Variants in KAZN observed in about 807,000 individuals in gnomAD.
The protein encoded by KAZN is kazrin.
In KAZN, 40 loss-of-function variants were observed where a neutral mutation model predicts 87.4. The observed-to-expected ratio is 0.46, with a 90% CI of 0.36 to 0.60. The LOEUF (loss-of-function observed/expected upper bound fraction) is 0.60, where lower values mean the gene tolerates loss of function less well. Ranked by LOEUF, KAZN falls within the 20% of genes least tolerant of loss-of-function variation. The probability of loss-of-function intolerance (pLI) is 0.00; values close to 1 mark genes in which losing one functional copy is unlikely to be tolerated. For synonymous variants in KAZN, 466 were observed against 458.3 expected, an observed-to-expected ratio of 1.02 and a Z score of -0.22; for missense variants, 898 against 1,073.9, an observed-to-expected ratio of 0.84 and a Z score of 2.29.
intron 2 of KAZN, among the ~76,000 whole-genome samples, chr1:14,260,631 C>A (rs1650939577): frequency 6.6e-6 from 1 of 152,182 alleles, no homozygotes; most frequent in Non-Finnish European, 1.5e-5. Context: ...GTGAGCAATG[C>A]CACAAAGTCG....
chr1:14,889,030 C>T (rs912169729), intron 1 of KAZN, among the ~76,000 whole-genome samples: 5 of 152,178 alleles, frequency 3.3e-5, no homozygotes, highest in African/African-American at 1.2e-4. Flanking sequence ...ATCGCAAAAA[C>T]ATCTCATAGT....
chr1:14,462,804 C>A (rs549810378), intron 2 of KAZN, among the ~76,000 whole-genome samples: 3 of 152,068 alleles, frequency 2.0e-5, no homozygotes, highest in African/African-American at 7.2e-5. Context: ...GAGAACAGCA[C>A]GGGAAAGACC....
intron 2 of KAZN, among the ~76,000 whole-genome samples, chr1:14,539,024 T>C (rs1406876262): frequency 6.6e-6 from 1 of 152,210 alleles, no homozygotes; most frequent in African/African-American, 2.4e-5. Flanking sequence ...TATTTTACTA[T>C]TTTAACAAGG....
chr1:14,363,906 C>T (rs933486828), intron 2 of KAZN, among the ~76,000 whole-genome samples: 5 of 151,206 alleles, frequency 3.3e-5, no homozygotes, highest in Non-Finnish European at 5.9e-5. Flanking sequence ...GTGTATTTTG[C>T]GTGTATGTGT....
intron 1 of KAZN, among the ~76,000 whole-genome samples, chr1:14,857,629 C>T (rs567250814): frequency 2.6e-5 from 4 of 152,196 alleles, no homozygotes; most frequent in East Asian, 3.9e-4. Context: ...ATGTTGAGGG[C>T]GCCCGCTGGC....
intron 1 of KAZN, among the ~76,000 whole-genome samples, chr1:14,816,689 TATAA>T (rs1419525275): frequency 6.6e-6 from 1 of 152,142 alleles, no homozygotes; most frequent in Non-Finnish European, 1.5e-5. Context: ...AGATGATAGA[TATAA>T]ATAGATAATG....
At chr1:14,161,539 T>G (rs1203659341) in intron 1 of KAZN, among the ~76,000 whole-genome samples, 1 of 152,176 alleles carries the variant, frequency 6.6e-6, no homozygotes, top group Non-Finnish European at 1.5e-5. Flanking sequence ...GAGTGAGTGA[T>G]TGGAGAGAGA....
At position 15,094,249 on chromosome 1, in the gene KAZN, G is replaced by A. The variant is rs751253060; in HGVS notation, c.1292G>A (p.Arg431Gln). ...TCGGAAGGCGAGGAGCAGATGGACC[G>A]GCTGCAGCAGGTGGAGCTGGTGAGG... is the stretch of plus-strand genomic sequence containing the variant. ...SLSEGEEQMD[R>Q]LQQVELVRTT... Residue 431 changes from arginine (R) to glutamine (Q), a missense_variant, in exon 9 of 15, where the codon CGG becomes CAG. Transcript: ENST00000376030. The surrounding 1 kb of genome is among the most constrained non-coding windows in gnomAD (Gnocchi z 4.5). The A allele has an allele frequency of 3.5e-5, 57 of 1,613,822 alleles. No individual in the cohort carries two copies. Among genetic ancestry groups the A allele is most frequent in the African/African-American group, 1.9e-4 (14 of 74,946 alleles).
At chr1:14,040,061 GC>G (rs2101390296) in intron 1 of KAZN, among the ~76,000 whole-genome samples, 2 of 151,262 alleles carry the variant, frequency 1.3e-5, no homozygotes, top group East Asian at 3.9e-4. Context: ...GTGTGTGTGT[GC>G]ACGTGTGTGT....
At chr1:14,470,377 A>C (rs1313206085) in intron 2 of KAZN, among the ~76,000 whole-genome samples, 1 of 152,172 alleles carries the variant, frequency 6.6e-6, no homozygotes, top group African/African-American at 2.4e-5. Flanking sequence ...TTGGAATTAG[A>C]CCAGGGCACA....
At chr1:14,475,841 A>ATT (rs111276598) in intron 2 of KAZN, among the ~76,000 whole-genome samples, 4 of 150,704 alleles carry the variant, frequency 2.7e-5, no homozygotes, top group African/African-American at 7.3e-5. Context: ...ATTTTGTGGG[A>ATT]TTTTTTTTTT....
intron 1 of KAZN, among the ~76,000 whole-genome samples, chr1:14,833,563 C>T (rs937989336): frequency 4.0e-4 from 61 of 152,144 alleles, no homozygotes; most frequent in Non-Finnish European, 1.3e-4. Flanking sequence ...GTAGGGTATC[C>T]GTCCTCTACC....
intron 2 of KAZN, among the ~76,000 whole-genome samples, chr1:14,970,490 C>T (rs543065546): frequency 1.5e-3 from 233 of 152,334 alleles, no homozygotes; most frequent in African/African-American, 5.3e-3. Context: ...CAAACTTTGT[C>T]CCCTTTGCTT....
chr1:14,455,082 G>C (rs745451564), intron 2 of KAZN, among the ~76,000 whole-genome samples: 10 of 152,182 alleles, frequency 6.6e-5, no homozygotes, highest in Non-Finnish European at 1.3e-4. Context: ...GAAAAAGCGA[G>C]AGAGGGTCCA....
chr1:14,851,404 C>T (rs1038082146), intron 1 of KAZN, among the ~76,000 whole-genome samples: 1 of 152,220 alleles, frequency 6.6e-6, no homozygotes, highest in African/African-American at 2.4e-5. Flanking sequence ...TCAGCTGCCC[C>T]ACCGCTGCGA....
chr1:15,041,463 G>A (rs1034401021), intron 3 of KAZN, among the ~76,000 whole-genome samples: 2 of 149,956 alleles, frequency 1.3e-5, no homozygotes, highest in Admixed American at 1.3e-4. Context: ...TCAGCCTCCC[G>A]AGTAGCTGGG....
intron 2 of KAZN, among the ~76,000 whole-genome samples, chr1:14,474,131 C>T (rs1409751946): frequency 6.6e-6 from 1 of 152,044 alleles, no homozygotes; most frequent in Non-Finnish European, 1.5e-5. Flanking sequence ...AAGAGAACCT[C>T]CTAGAAGGTA....
At chr1:14,338,784 T>C (rs1411117678) in intron 2 of KAZN, among the ~76,000 whole-genome samples, 2 of 152,214 alleles carry the variant, frequency 1.3e-5, no homozygotes, top group Non-Finnish European at 2.9e-5. Context: ...ATTTATCCCA[T>C]GTTCAGACTT....
At chr1:14,057,291 C>T (rs1473789910) in intron 1 of KAZN, among the ~76,000 whole-genome samples, 2 of 151,982 alleles carry the variant, frequency 1.3e-5, no homozygotes, top group Non-Finnish European at 2.9e-5. Context: ...CTTACCACCA[C>T]ACCGGGCTAA....
Sources: allele counts gnomAD v4.1 joint callset (sites outside exome capture counted in the v4.1 genomes callset), GRCh38; gene constraint gnomAD v4.1.1; non-coding constraint Gnocchi (gnomAD v3.1); transcripts MANE v1.5; gene names NCBI Gene and HGNC (gene_info 2026-07-23, HGNC 2026-07-21).